MTMR9: variants seen among roughly 807,000 people sequenced by gnomAD.
MTMR9 encodes myotubularin related protein 9.
In MTMR9, 39 loss-of-function variants were observed where a neutral mutation model predicts 69.5. That is an observed-to-expected ratio of 0.56 (90% CI 0.43 to 0.73). The LOEUF (loss-of-function observed/expected upper bound fraction) is 0.73. Among genes scored for constraint, MTMR9 ranks in the 30% least tolerant of loss-of-function variants. The pLI, the probability that MTMR9 is intolerant of heterozygous loss-of-function variation, is 0.00. For missense variants in MTMR9, 900 were observed against 671.2 expected (o/e 1.34, Z -3.77); for synonymous variants, 354 against 240.8 (o/e 1.47, Z -4.35).
At chr8:11,295,643 T>C (rs1051876176) in intron 2 of MTMR9, among the ~76,000 whole-genome samples, 2 of 152,236 alleles carry the variant, frequency 1.3e-5, no homozygotes, top group Non-Finnish European at 2.9e-5. Context: ...GGGAAACCAT[T>C]AGAAGATTTA....
intron 6 of MTMR9, among the ~76,000 whole-genome samples, chr8:11,314,395 G>A (rs1471337920): frequency 6.6e-6 from 1 of 151,830 alleles, no homozygotes; most frequent in Non-Finnish European, 1.5e-5. Flanking sequence ...TTTTTTTCCT[G>A]TTGTCGTGTT....
intron 1 of MTMR9, among the ~76,000 whole-genome samples, chr8:11,287,752 A>G (rs1253932875): frequency 1.5e-5 from 2 of 129,960 alleles, no homozygotes; most frequent in Non-Finnish European, 3.1e-5. Flanking sequence ...TTTCTTATAT[A>G]TTTATTATTT....
chr8:11,291,201 A>C (rs1343689151), intron 1 of MTMR9, among the ~76,000 whole-genome samples: 1 of 152,168 alleles, frequency 6.6e-6, no homozygotes, highest in Non-Finnish European at 1.5e-5. Context: ...ATTGGAGTCA[A>C]ATTGACATCT....
the MTMR9 span, among the ~76,000 whole-genome samples, chr8:11,337,101 C>A: frequency 6.6e-6 from 1 of 152,188 alleles, no homozygotes; most frequent in African/African-American, 2.4e-5. Context: ...AGGCTACATA[C>A]AGCATTCTTA....
intron 3 of MTMR9, among the ~76,000 whole-genome samples, chr8:11,303,734 A>G (rs1585119105): frequency 1.3e-5 from 2 of 152,234 alleles, no homozygotes; most frequent in African/African-American, 4.8e-5. Flanking sequence ...GGGTTTGGCC[A>G]TGTTGCCCTG....
chr8:11,328,469 A>G (rs1243064099), downstream of MTMR9, among the ~76,000 whole-genome samples: 1 of 152,120 alleles, frequency 6.6e-6, no homozygotes, highest in Non-Finnish European at 1.5e-5. Flanking sequence ...AGAATTAGGA[A>G]TATGTATTCT....
At chr8:11,294,557 A>G (rs1401815521) in intron 1 of MTMR9, among the ~76,000 whole-genome samples, 1 of 134,774 alleles carries the variant, frequency 7.4e-6, no homozygotes, top group Non-Finnish European at 1.5e-5. Context: ...GCTGGAGTGC[A>G]GTGGCTCAGA....
In MTMR9 at chr8:11,305,115, T is replaced by C; in HGVS notation, c.591+101T>C. 6 of 1,166,662 alleles carry C rather than the reference T, an allele frequency of 5.1e-6. No individual in the cohort carries two copies. In the South Asian group the frequency reaches 9.0e-5, roughly 18 times the overall value. The allele number at this position is 1,166,662 out of a possible 1,614,324, so 72.3% of individuals were successfully genotyped here. The stretch of plus-strand genomic sequence containing the variant: ...GCTCTCTGTCTGTTCACTGAAATGA[T>C]TGTCCAGGTCTCCACCACAAGGGCT... On this transcript the variant is annotated intron_variant, in intron 4 of 9. Transcript: ENST00000221086.
intron 1 of MTMR9, among the ~76,000 whole-genome samples, chr8:11,287,042 G>A (rs745320453): frequency 6.6e-6 from 1 of 152,148 alleles, no homozygotes; most frequent in South Asian, 2.1e-4. Flanking sequence ...TGTCTTTCAG[G>A]AGTTCACAGG....
rs1225130094 is a variant in MTMR9 at position 11,322,616 on chromosome 8, A to G, written c.1487-9A>G. 2 of 1,611,948 alleles carry G rather than the reference A, an allele frequency of 1.2e-6. No homozygotes were observed. Among genetic ancestry groups the G allele is most frequent in the African/African-American group, 2.7e-5 (2 of 74,876 alleles). ...TCTTGCTTCTGTTTTCCATTCCTGG[A>G]TTCAATAGGTATTTTCCTACGTTGG... On this transcript the variant is annotated splice_polypyrimidine_tract_variant and intron_variant, in intron 9 of 9. Transcript: ENST00000221086.
At chr8:11,288,151 G>C (rs1430638483) in intron 1 of MTMR9, among the ~76,000 whole-genome samples, 1 of 129,006 alleles carries the variant, frequency 7.8e-6, no homozygotes, top group Non-Finnish European at 1.6e-5. Context: ...TAATTATTCA[G>C]CGAATAGGTG....
At chr8:11,312,456 C>T (rs181735343) in intron 6 of MTMR9, among the ~76,000 whole-genome samples, 71 of 152,332 alleles carry the variant, frequency 4.7e-4, no homozygotes, top group Non-Finnish European at 9.1e-4. Flanking sequence ...AAGCAATCCT[C>T]CTGCCTTGGG....
At chr8:11,310,247 G>C (rs1163115492) in intron 6 of MTMR9, among the ~76,000 whole-genome samples, 2 of 152,192 alleles carry the variant, frequency 1.3e-5, no homozygotes. Context: ...AATTCACTCA[G>C]TTAAAGGTTG....
intron 3 of MTMR9, among the ~76,000 whole-genome samples, chr8:11,302,308 G>C (rs1413939244): frequency 1.1e-5 from 1 of 89,724 alleles, no homozygotes; most frequent in Non-Finnish European, 2.3e-5. Flanking sequence ...GGTGATGATA[G>C]AAGAAAGACA....
chr8:11,329,975 G>C (rs1187874853), downstream of MTMR9, among the ~76,000 whole-genome samples: 1 of 151,058 alleles, frequency 6.6e-6, no homozygotes, highest in African/African-American at 2.4e-5. Context: ...CGCCCTGTCT[G>C]AGAAGTGAGG....
chr8:11,338,017 C>T, the MTMR9 span, among the ~76,000 whole-genome samples: 1 of 152,320 alleles, frequency 6.6e-6, no homozygotes, highest in African/African-American at 2.4e-5. Context: ...GCTAATATGT[C>T]CAAGGAGAAC....
intron 6 of MTMR9, among the ~76,000 whole-genome samples, chr8:11,311,638 T>C (rs1204838136): frequency 6.6e-6 from 1 of 152,228 alleles, no homozygotes; most frequent in Non-Finnish European, 1.5e-5. Flanking sequence ...TGCCTCCCCA[T>C]TGATGGCTGC....
chr8:11,285,176 C>A (rs1472622170), intron 1 of MTMR9, 106 bp downstream of exon 1: 6 of 1,152,060 alleles, frequency 5.2e-6, no homozygotes, highest in Non-Finnish European at 6.0e-6. Context: ...CCCAGCTAGC[C>A]GGCAAGATGA....
chr8:11,319,883 A>G lies in MTMR9; in HGVS notation c.1486+45A>G, dbSNP rs780668910. On this transcript the variant is annotated intron_variant, in intron 9 of 9. Transcript: ENST00000221086. Reference sequence around the variant, plus strand: ...CAAACTTCTTAACGGTCAGGTGTGCATGCGGCTGCCTGTGAGTGTGTGCTG... The same window carrying G: ...CAAACTTCTTAACGGTCAGGTGTGCGTGCGGCTGCCTGTGAGTGTGTGCTG... 2.5e-6 allele frequency: 4 copies of G among 1,603,130 alleles called. No homozygotes were observed. In the African/African-American group the frequency reaches 4.0e-5, roughly 16 times the overall value.
Sources: gnomAD v4.1 joint callset for allele counts (sites outside exome capture counted in the v4.1 genomes callset) on GRCh38, gnomAD v4.1.1 for gene constraint, MANE v1.5 for transcripts, NCBI Gene and HGNC (gene_info 2026-07-23, HGNC 2026-07-21) for gene names.